The following RPE variants were observed in gnomAD, a reference collection of about 807,000 sequenced individuals.
RPE encodes the protein ribulose-5-phosphate-3-epimerase.
Under a neutral mutation model 24.6 loss-of-function variants are expected in RPE, and 16 were observed. The ratio of observed to expected loss-of-function variants is 0.65; its 90% CI spans 0.44 to 0.99. The LOEUF (loss-of-function observed/expected upper bound fraction) is 0.99. Among genes scored for constraint, RPE ranks in the 50% least tolerant of loss-of-function variants. The probability of loss-of-function intolerance (pLI) is 0.00; values close to 1 mark genes in which losing one functional copy is unlikely to be tolerated. For missense variants in RPE, 240 were observed against 294.5 expected, an observed-to-expected ratio of 0.81 and a Z score of 1.35; for synonymous variants, 93 against 98.4, an observed-to-expected ratio of 0.94 and a Z score of 0.33.
chr2:210,019,614 T>G, intron 5 of RPE, 55 bp from the exon 6 acceptor site: 1 of 1,589,402 alleles, frequency 6.3e-7, no homozygotes, highest in South Asian at 1.1e-5. Context: ...GAATTCTGTT[T>G]TAGGTTTTTC....
At chr2:210,007,070 A>C (rs2093640922) in intron 1 of RPE, among the ~76,000 whole-genome samples, 1 of 152,170 alleles carries the variant, frequency 6.6e-6, no homozygotes, top group Admixed American at 6.5e-5. Context: ...GCCTATGTTT[A>C]ATTCCTGCCT....
chr2:210,018,043 C>G (rs2093802849), intron 5 of RPE: 3 of 1,144,304 alleles, frequency 2.6e-6, no homozygotes, highest in Non-Finnish European at 3.6e-6. Flanking sequence ...TGGCGTCTGG[C>G]CCGTAAGTGG....
chr2:210,004,472 A>T (rs2093604022), intron 1 of RPE, among the ~76,000 whole-genome samples: 1 of 152,192 alleles, frequency 6.6e-6, no homozygotes, highest in Non-Finnish European at 1.5e-5. Context: ...GAAATGGTGG[A>T]GCCAGGGTTG....
Position 210,003,572 on chromosome 2 carries a change from A to G in RPE, c.122+789A>G, listed in dbSNP as rs1481677465. ...AGAATGAGGAAACAACCCCAGAGAAAGCAGTAAGACTCCCTCAAGATTACA... is the reference window on the plus strand; with the variant it reads ...AGAATGAGGAAACAACCCCAGAGAAGGCAGTAAGACTCCCTCAAGATTACA... On this transcript the variant is annotated intron_variant, in intron 1 of 5. Transcript: ENST00000359429. The G allele has an allele frequency of 1.3e-5, 8 of 612,942 alleles. No individual in the cohort carries two copies. In the East Asian group the frequency reaches 2.1e-4, roughly 16 times the overall value. The allele number at this position is 612,942 out of a possible 1,614,324, so 38.0% of individuals were successfully genotyped here. A position where few individuals can be genotyped will look rare whatever the true frequency, so the allele number is the denominator to read the frequency against.
chr2:210,017,266 T>TA (rs1229483180), intron 4 of RPE, among the ~76,000 whole-genome samples: 8 of 152,242 alleles, frequency 5.3e-5, no homozygotes, highest in African/African-American at 1.9e-4. Flanking sequence ...CAATACAGAT[T>TA]GCTGTTTGCC....
chr2:210,016,994 C>T (rs1002290536), intron 4 of RPE, among the ~76,000 whole-genome samples: 4 of 152,066 alleles, frequency 2.6e-5, no homozygotes, highest in Non-Finnish European at 4.4e-5. Flanking sequence ...CAGGTGCATA[C>T]CACCATGCCC....
intron 1 of RPE, 57 bp from the exon 2 acceptor site, chr2:210,009,600 A>ACT: frequency 6.3e-7 from 1 of 1,599,512 alleles, no homozygotes; most frequent in Non-Finnish European, 8.6e-7. Context: ...TCATATTGAG[A>ACT]GAGATACAGA....
Position 210,021,629 on chromosome 2 carries a change from T to G in RPE, c.*1838T>G, listed in dbSNP as rs2093857454. ...ACCCCTTAAAAGGACTAGTATAATT[T>G]CCAATCTCTAACAAAAACTTAGTGT... On this transcript the variant is annotated 3_prime_UTR_variant, in exon 6 of 6. Coordinates refer to ENST00000359429, the MANE Select transcript of RPE (RefSeq NM_199229.3). The G allele has an allele frequency of 1.3e-5, 2 of 152,514 alleles. No individual in the cohort carries two copies. Among genetic ancestry groups the G allele is most frequent in the South Asian group, 2.1e-4 (1 of 4,832 alleles). The allele number at this position is 152,514 out of a possible 1,614,324, so 9.4% of individuals were successfully genotyped here.
intron 5 of RPE, chr2:210,018,731 T>G: frequency 2.0e-6 from 2 of 983,900 alleles, no homozygotes; most frequent in Non-Finnish European, 2.4e-6. Flanking sequence ...ATTTTTTGTG[T>G]GAAAAATCAG....
intron 2 of RPE, among the ~76,000 whole-genome samples, chr2:210,014,781 T>G (rs1022292645): frequency 6.6e-6 from 1 of 152,132 alleles, no homozygotes; most frequent in Non-Finnish European, 1.5e-5. Context: ...ATGTTAGAAT[T>G]TTTTTCTTAA....
chr2:210,015,913 C>T, intron 2 of RPE, 60 bp from the exon 3 acceptor site: 1 of 1,584,726 alleles, frequency 6.3e-7, no homozygotes, highest in Non-Finnish European at 8.6e-7. Context: ...TACAGGTTGG[C>T]TTCCAATAAC....
At chr2:210,004,251 G>C (rs573312183) in intron 1 of RPE, among the ~76,000 whole-genome samples, 1 of 152,134 alleles carries the variant, frequency 6.6e-6, no homozygotes, top group African/African-American at 2.4e-5. Flanking sequence ...TAATGGTTGG[G>C]GAAAGTAATT....
chr2:210,012,211 T>C (rs1234246781), intron 2 of RPE, among the ~76,000 whole-genome samples: 1 of 152,200 alleles, frequency 6.6e-6, no homozygotes, highest in Non-Finnish European at 1.5e-5. Flanking sequence ...CTCAAGTATG[T>C]TGTATAAGGA....
At chr2:210,004,478 G>C (rs2093604144) in intron 1 of RPE, among the ~76,000 whole-genome samples, 1 of 152,156 alleles carries the variant, frequency 6.6e-6, no homozygotes, top group Non-Finnish European at 1.5e-5. Context: ...GTGGAGCCAG[G>C]GTTGGAAGCA....
intron 1 of RPE, among the ~76,000 whole-genome samples, chr2:210,008,877 G>T (rs189206169): frequency 2.1e-3 from 316 of 152,012 alleles, no homozygotes; most frequent in Non-Finnish European, 3.6e-3. Context: ...TGTATTTTTA[G>T]TAGAGACAGG....
chr2:210,004,492 C>T (rs1323698979), intron 1 of RPE, among the ~76,000 whole-genome samples: 1 of 152,170 alleles, frequency 6.6e-6, no homozygotes, highest in Non-Finnish European at 1.5e-5. Context: ...GGAAGCAATG[C>T]AACAGCTTGT....
intron 5 of RPE, 56 bp downstream of exon 5, chr2:210,017,615 G>C: frequency 6.6e-7 from 1 of 1,519,764 alleles, no homozygotes. Context: ...ATGTCTCCAG[G>C]ACATTGTCTC....
chr2:210,011,314 A>G (rs536653332), intron 2 of RPE, among the ~76,000 whole-genome samples: 1 of 152,308 alleles, frequency 6.6e-6, no homozygotes, highest in African/African-American at 2.4e-5. Context: ...TGAGAGGTAG[A>G]TGAAATAAAT....
At chr2:210,015,660 ATTCT>A (rs1278626263) in intron 2 of RPE, among the ~76,000 whole-genome samples, 1 of 151,860 alleles carries the variant, frequency 6.6e-6, no homozygotes, top group African/African-American at 2.4e-5. Context: ...AGTATGACTT[ATTCT>A]TTAAGTTTTT....
Sources: allele counts gnomAD v4.1 joint callset (sites outside exome capture counted in the v4.1 genomes callset), GRCh38; gene constraint gnomAD v4.1.1; transcripts MANE v1.5; gene names NCBI Gene and HGNC (gene_info 2026-07-23, HGNC 2026-07-21).